Variants in AMPD3 observed in about 807,000 individuals in gnomAD.
AMPD3 encodes the protein AMP deaminase 3.
Under a neutral mutation model 82.3 loss-of-function variants are expected in AMPD3, and 57 were observed. The ratio of observed to expected loss-of-function variants is 0.69; its 90% CI spans 0.56 to 0.86. AMPD3 has a LOEUF of 0.86. AMPD3 is among the 40% of genes least tolerant of loss of function. The pLI is 0.00. For synonymous variants in AMPD3, 381 were observed against 394.7 expected (o/e 0.97, Z 0.41); for missense variants, 870 against 1,003.8 (o/e 0.87, Z 1.80).
upstream of AMPD3, among the ~76,000 whole-genome samples, chr11:10,452,375 A>G (rs1847984837): frequency 6.6e-6 from 1 of 152,128 alleles, no homozygotes; most frequent in South Asian, 2.1e-4. Context: ...GTTCTTCTGT[A>G]TGCTGGTTGC....
intron 6 of AMPD3, 91 bp from the exon 7 acceptor site, chr11:10,493,257 TG>T: frequency 6.8e-7 from 1 of 1,465,190 alleles, no homozygotes; most frequent in Non-Finnish European, 9.5e-7. Flanking sequence ...CATGAGGTGC[TG>T]GGGTTCTGTG....
chr11:10,460,846 G>A, intron 1 of AMPD3: 1 of 975,332 alleles, frequency 1.0e-6, no homozygotes, highest in Non-Finnish European at 1.2e-6. Context: ...TAAGGAATCA[G>A]TATGCGAGGA....
chr11:10,494,511 A>AG (rs1849332693), intron 7 of AMPD3: 1 of 980,338 alleles, frequency 1.0e-6, no homozygotes, highest in African/African-American at 1.8e-5. Context: ...TATTAGAACA[A>AG]AAAAAACTTT....
chr11:10,500,190 C>T lies in AMPD3; in HGVS notation c.1662C>T (p.Pro554=), dbSNP rs893730695. 1.9e-6 allele frequency: 3 copies of T among 1,614,246 alleles called. No individual in the cohort carries two copies. The highest frequency in any genetic ancestry group is 2.7e-5 in the African/African-American group (2 of 75,058). The change falls in exon 11 of 15, where the codon CCC becomes CCT. Residue 554 remains proline (P), a synonymous_variant. Coordinates refer to ENST00000396553, the MANE Select transcript of AMPD3 (RefSeq NM_001025389.2). Reference sequence around the variant, plus strand: ...TCTGGACCAGTGAGCAGAACCCACCCTACAGCTACTACCTGTACTACATGT... The same window carrying T: ...TCTGGACCAGTGAGCAGAACCCACCTTACAGCTACTACCTGTACTACATGT... ...PDVWTSEQNP[P]YSYYLYYMYA...
intron 3 of AMPD3, chr11:10,481,815 A>G: frequency 1.9e-6 from 1 of 536,990 alleles, no homozygotes; most frequent in East Asian, 3.4e-5. Context: ...GGCTGGTCAC[A>G]TGTCTGCATA....
chr11:10,458,145 C>T, intron 1 of AMPD3, among the ~76,000 whole-genome samples: 1 of 151,308 alleles, frequency 6.6e-6, no homozygotes. Flanking sequence ...CTCCCTTTGG[C>T]CTGGCCTCTC....
At chr11:10,497,729 G>A (rs901098611) in intron 10 of AMPD3, 12 of 985,144 alleles carry the variant, frequency 1.2e-5, no homozygotes, top group Non-Finnish European at 1.4e-5. Flanking sequence ...AGCTGGAGGT[G>A]GGGGCAGGGG....
At chr11:10,497,002 A>G in intron 10 of AMPD3, 64 bp downstream of exon 10, 1 of 1,592,404 alleles carries the variant, frequency 6.3e-7, no homozygotes, top group Non-Finnish European at 8.6e-7. Flanking sequence ...ATTCGCTGTG[A>G]GCTGGGTCAG....
At chr11:10,481,897 T>A (rs1400196053) in intron 3 of AMPD3, 166 bp from the exon 4 acceptor site, 5 of 795,074 alleles carry the variant, frequency 6.3e-6, no homozygotes, top group South Asian at 4.3e-5. Context: ...GTACAAGTAG[T>A]TTAGGTGCAA....
At chr11:10,455,066 G>C (rs115890658), upstream of AMPD3, 1,464 of 780,672 alleles carry the variant, frequency 1.9e-3, 23 homozygotes, top group African/African-American at 0.025. Flanking sequence ...CCTCACGATT[G>C]GACATGCGGA....
intron 1 of AMPD3, chr11:10,461,171 C>G: frequency 8.2e-7 from 1 of 1,219,264 alleles, no homozygotes; most frequent in Non-Finnish European, 1.0e-6. Context: ...TGAACTCTCT[C>G]TTGTCCCTTC....
intron 2 of AMPD3, among the ~76,000 whole-genome samples, chr11:10,466,177 G>T (rs962121823): frequency 6.6e-6 from 1 of 152,066 alleles, no homozygotes; most frequent in Middle Eastern, 3.4e-3. Flanking sequence ...CAGGAGAATC[G>T]CTTGAACCCA....
At chr11:10,501,381 C>T (rs1849575090) in intron 11 of AMPD3, 89 bp from the exon 12 acceptor site, 1 of 1,565,006 alleles carries the variant, frequency 6.4e-7, no homozygotes, top group Non-Finnish European at 8.7e-7. Flanking sequence ...GGTCATTCCC[C>T]CCGGAGCTGG....
At chr11:10,450,982 C>G, upstream of AMPD3, 1 of 1,561,588 alleles carries the variant, frequency 6.4e-7, no homozygotes, top group Non-Finnish European at 8.6e-7. Context: ...AGCGCGTCCC[C>G]TTTGCTCCAG....
intron 2 of AMPD3, among the ~76,000 whole-genome samples, chr11:10,470,012 C>A (rs1848541272): frequency 6.7e-6 from 1 of 149,476 alleles, no homozygotes; most frequent in Admixed American, 6.7e-5. Context: ...TGCACTCCAG[C>A]CTGGGCGACA....
chr11:10,498,274 G>T (rs191202138), intron 10 of AMPD3: 10 of 152,582 alleles, frequency 6.6e-5, no homozygotes, highest in African/African-American at 2.2e-4. Flanking sequence ...GCACTGGGGG[G>T]AGTCTAGGAT....
intron 11 of AMPD3, 113 bp downstream of exon 11, chr11:10,500,362 C>T: frequency 7.2e-7 from 1 of 1,388,074 alleles, no homozygotes; most frequent in South Asian, 1.2e-5. Context: ...GCACCTGAAC[C>T]AACATGCATG....
In AMPD3 at chr11:10,461,735, A is replaced by T; in HGVS notation, c.216A>T (p.Ala72=). Residue 72 remains alanine (A), a synonymous_variant, in exon 2 of 15, where the codon GCA becomes GCT. Transcript: ENST00000396553. ...CAGAGCAGAAGTCTGTGGAGACCGC[A>T]AAAAGGTTTGTTCCCAAGGCATGGT... ...ELAEQKSVET[A]KRKKSFKMIR... 1 of 1,609,106 alleles carries T rather than the reference A, an allele frequency of 6.2e-7. No homozygotes were observed. Among genetic ancestry groups the T allele is most frequent in the Middle Eastern group, 1.7e-4 (1 of 6,048 alleles).
intron 6 of AMPD3, among the ~76,000 whole-genome samples, chr11:10,489,191 C>T (rs898950439): frequency 6.6e-6 from 1 of 152,188 alleles, no homozygotes; most frequent in Admixed American, 6.5e-5. Context: ...AGGTGGATGC[C>T]TCCATCACTG....
Sources: allele counts gnomAD v4.1 joint callset (sites outside exome capture counted in the v4.1 genomes callset), GRCh38; gene constraint gnomAD v4.1.1; transcripts MANE v1.5; gene names NCBI Gene and HGNC (gene_info 2026-07-23, HGNC 2026-07-21).